Variants in MBOAT1 observed in about 807,000 individuals in gnomAD.
MBOAT1 encodes membrane-bound glycerophospholipid O-acyltransferase 1.
In MBOAT1, 67 loss-of-function variants were observed where a neutral mutation model predicts 64.4. The observed-to-expected ratio is 1.04, with a 90% CI of 0.85 to 1.27. The LOEUF is 1.27. Ranked by LOEUF, MBOAT1 falls within the 50% of genes most tolerant of loss-of-function variation. The pLI, the probability that MBOAT1 is intolerant of heterozygous loss-of-function variation, is 0.00. For missense variants in MBOAT1, 563 were observed against 604.6 expected (o/e 0.93, Z 0.72); for synonymous variants, 229 against 218.9 (o/e 1.05, Z -0.41).
At chr6:20,148,605 G>A (rs1243753150) in intron 3 of MBOAT1, among the ~76,000 whole-genome samples, 1 of 152,172 alleles carries the variant, frequency 6.6e-6, no homozygotes, top group Non-Finnish European at 1.5e-5. Flanking sequence ...TTTTGCAGGA[G>A]GGAAATGTGA....
intron 1 of MBOAT1, among the ~76,000 whole-genome samples, chr6:20,165,581 A>G (rs905127160): frequency 6.6e-6 from 1 of 152,100 alleles, no homozygotes; most frequent in African/African-American, 2.4e-5. Flanking sequence ...CATCTCTACT[A>G]AAAATACAAA....
intron 1 of MBOAT1, among the ~76,000 whole-genome samples, chr6:20,158,519 T>C (rs1421876116): frequency 3.3e-5 from 5 of 152,214 alleles, no homozygotes; most frequent in Non-Finnish European, 4.4e-5. Context: ...CACTGGGCAG[T>C]GATCTCTTGG....
At position 20,100,019 on chromosome 6, in the gene MBOAT1, T is replaced by C. The variant is rs761608603; in HGVS notation, c.*2267A>G. Among the ~76,000 whole-genome samples, 3 of 152,172 alleles carry C rather than the reference T, an allele frequency of 2.0e-5. No individual in the cohort carries two copies. Among genetic ancestry groups the C allele is most frequent in the African/African-American group, 4.8e-5 (2 of 41,438 alleles). On this transcript the variant is annotated 3_prime_UTR_variant, in exon 13 of 13. Transcript: ENST00000324607. ...GCTCAACTCCTAGAGGTTTGACTTC[T>C]CCTCATCCCATAAGGAGTAATCAAT... is the stretch of plus-strand genomic sequence containing the variant.
rs77836568 is a variant in MBOAT1, at chr6:20,104,511, T to C, written c.1362-2099A>G. Reference sequence around the variant, plus strand: ...GTAGTATTCAGCAGTATGCACAATGTAGATATCCAATAAATACTGGGCCTA... The same window carrying C: ...GTAGTATTCAGCAGTATGCACAATGCAGATATCCAATAAATACTGGGCCTA... On this transcript the variant is annotated intron_variant, in intron 12 of 12. Transcript: ENST00000324607. Among the ~76,000 whole-genome samples, 46 of 152,350 alleles carry C rather than the reference T, an allele frequency of 3.0e-4. No individual in the cohort carries two copies. The East Asian group carries it at 8.9e-3, about 29-fold the overall frequency.
rs559330077 is a variant in MBOAT1 at position 20,156,128 on chromosome 6, G to A, written c.100-3359C>T. ...CTAAAAAAAATACAAAAAATTAGCC[G>A]GGCGTGGTGGTGGGCGCCTGTAGTC... On this transcript the variant is annotated intron_variant, in intron 1 of 12. Coordinates refer to ENST00000324607, the MANE Select transcript of MBOAT1 (RefSeq NM_001080480.3). 1.3e-4 allele frequency among the ~76,000 whole-genome samples: 20 copies of A among 152,060 alleles called. No individual in the cohort carries two copies. In the South Asian group the frequency reaches 2.9e-3, roughly 22 times the overall value.
At chr6:20,137,150 T>C (rs1761019885) in intron 4 of MBOAT1, among the ~76,000 whole-genome samples, 1 of 152,202 alleles carries the variant, frequency 6.6e-6, no homozygotes, top group African/African-American at 2.4e-5. Flanking sequence ...AAAAAAAATC[T>C]TGTTTGAAAT....
intron 1 of MBOAT1, among the ~76,000 whole-genome samples, chr6:20,158,644 A>T (rs191161831): frequency 6.6e-6 from 1 of 152,320 alleles, no homozygotes; most frequent in East Asian, 1.9e-4. Flanking sequence ...GAGACAACCC[A>T]CAGATTGGGA....
intron 12 of MBOAT1, 52 bp downstream of exon 12, chr6:20,109,546 A>G (rs1760058914): frequency 6.3e-7 from 1 of 1,582,232 alleles, no homozygotes; most frequent in Non-Finnish European, 8.6e-7. Context: ...AGTCAAACAC[A>G]GTGAAAATAG....
chr6:20,197,122 T>A (rs994271069), intron 1 of MBOAT1, among the ~76,000 whole-genome samples: 3 of 11,846 alleles, frequency 2.5e-4, no homozygotes, highest in Non-Finnish European at 9.2e-4. Flanking sequence ...CTTTACAAAT[T>A]TTTTTTTTTA....
At chr6:20,191,710 T>A (rs577323701) in intron 1 of MBOAT1, among the ~76,000 whole-genome samples, 12 of 152,190 alleles carry the variant, frequency 7.9e-5, no homozygotes, top group Admixed American at 4.6e-4. Flanking sequence ...ATTGCAGAGA[T>A]GAGATGACCC....
In MBOAT1 at chr6:20,102,329, C is replaced by T. The variant is rs570390067; in HGVS notation, c.1445G>A (p.Arg482Gln). ...ATTAATAGAGTTCAGAGTCTGAGGC[C>T]GCCTTTGCGTATGAGCTTGTGGTTT... ...PMKPQAHTQR[R>Q]PQTLNSINKR... is the part of the protein sequence containing the mutation. The change falls in exon 13 of 13, where the codon CGG becomes CAG. Residue 482 changes from arginine to glutamine, a missense_variant. Coordinates refer to ENST00000324607, the MANE Select transcript of MBOAT1 (RefSeq NM_001080480.3). 15 of 1,613,938 alleles carry T rather than the reference C, an allele frequency of 9.3e-6. No homozygotes were observed. Among genetic ancestry groups the T allele is most frequent in the African/African-American group, 2.7e-5 (2 of 74,984 alleles).
At chr6:20,126,380 A>G (rs1300474139) in intron 7 of MBOAT1, 137 bp downstream of exon 7, 2 of 744,906 alleles carry the variant, frequency 2.7e-6, no homozygotes, top group Non-Finnish European at 4.4e-6. Flanking sequence ...ATAAGTAACT[A>G]TACTGGTATT....
At chr6:20,164,417 G>A (rs1761955970) in intron 1 of MBOAT1, among the ~76,000 whole-genome samples, 1 of 152,110 alleles carries the variant, frequency 6.6e-6, no homozygotes, top group Non-Finnish European at 1.5e-5. Flanking sequence ...TACTACAAAA[G>A]TACTTTATAT....
Position 20,124,458 on chromosome 6 carries a change from T to C in MBOAT1, c.857A>G (p.Tyr286Cys), listed in dbSNP as rs1409626710. 2 of 1,614,114 alleles carry C rather than the reference T, an allele frequency of 1.2e-6. No individual in the cohort carries two copies. Among genetic ancestry groups the C allele is most frequent in the Admixed American group, 3.3e-5 (2 of 60,026 alleles). The change falls in exon 8 of 13, where the codon TAT (tyrosine) becomes TGT (cysteine). Residue 286 changes from tyrosine to cysteine, a missense_variant. Physicochemically the swap from Tyr to Cys is radical, Grantham distance 194. Coordinates refer to ENST00000324607, the MANE Select transcript of MBOAT1 (RefSeq NM_001080480.3). ...ASFPARLCYL[Y>C]VVMQASKPKY... ...GGGCTTTGAGGCTTGCATGACAACATATAAGTAGCAGAGTCGAGCCGGAAA... is the reference window on the plus strand; with the variant it reads ...GGGCTTTGAGGCTTGCATGACAACACATAAGTAGCAGAGTCGAGCCGGAAA...
chr6:20,193,306 T>G (rs914503677), intron 1 of MBOAT1, among the ~76,000 whole-genome samples: 5 of 151,836 alleles, frequency 3.3e-5, no homozygotes, highest in African/African-American at 1.2e-4. Flanking sequence ...GCGCCCGGCC[T>G]ATAATTTCTT....
chr6:20,176,677 G>T (rs1762351045), intron 1 of MBOAT1, among the ~76,000 whole-genome samples: 1 of 152,138 alleles, frequency 6.6e-6, no homozygotes, highest in Non-Finnish European at 1.5e-5. Flanking sequence ...AGGCTGGAGT[G>T]CACTGGTGCA....
At chr6:20,163,557 C>A (rs1161763428) in intron 1 of MBOAT1, among the ~76,000 whole-genome samples, 1 of 152,166 alleles carries the variant, frequency 6.6e-6, no homozygotes, top group Non-Finnish European at 1.5e-5. Context: ...CAAAATCATA[C>A]ACCCAGTCAG....
At chr6:20,117,142 A>G (rs1417331640) in intron 9 of MBOAT1, among the ~76,000 whole-genome samples, 4 of 152,190 alleles carry the variant, frequency 2.6e-5, no homozygotes, top group Non-Finnish European at 5.9e-5. Flanking sequence ...AGCGACCAAT[A>G]GTAAAAACAT....
At chr6:20,211,972 ACACACACAC>A in intron 1 of MBOAT1, 155 bp downstream of exon 1, 5 of 458,888 alleles carry the variant, frequency 1.1e-5, no homozygotes, top group African/African-American at 9.2e-5. Context: ...AAGGGAAAAC[ACACACACAC>A]ACACACACAC....
Sources: gnomAD v4.1 joint callset for allele counts (sites outside exome capture counted in the v4.1 genomes callset) on GRCh38, gnomAD v4.1.1 for gene constraint, MANE v1.5 for transcripts, NCBI Gene and HGNC (gene_info 2026-07-23, HGNC 2026-07-21) for gene names.